Variants in OXR1 observed in about 807,000 individuals in gnomAD.
The protein encoded by OXR1 is oxidation resistance 1.
Under a neutral mutation model 104.6 loss-of-function variants are expected in OXR1, and 41 were observed. That is an observed-to-expected ratio of 0.39 (90% CI 0.31 to 0.51). The LOEUF (loss-of-function observed/expected upper bound fraction) is 0.51, where lower values mean the gene tolerates loss of function less well. OXR1 is among the 20% of genes least tolerant of loss of function. The pLI, the probability that OXR1 is intolerant of heterozygous loss-of-function variation, is 0.77. For missense variants in OXR1, 955 were observed against 1,031.9 expected, an observed-to-expected ratio of 0.93 and a Z score of 1.02; for synonymous variants, 348 against 348.4, an observed-to-expected ratio of 1.00 and a Z score of 0.01.
At chr8:106,359,718 A>G in intron 2 of OXR1, 82 bp downstream of exon 2, 3 of 1,014,120 alleles carry the variant, frequency 3.0e-6, no homozygotes, top group Non-Finnish European at 4.5e-6. Flanking sequence ...TACAGGCAGA[A>G]CTTGGGCAGA....
intron 2 of OXR1, among the ~76,000 whole-genome samples, chr8:106,399,507 G>A (rs906743233): frequency 2.0e-5 from 3 of 152,170 alleles, no homozygotes; most frequent in Non-Finnish European, 4.4e-5. Flanking sequence ...GGGTGCTACA[G>A]TGATGGATGT....
At chr8:106,395,951 G>A (rs1301147346) in intron 2 of OXR1, among the ~76,000 whole-genome samples, 1 of 152,024 alleles carries the variant, frequency 6.6e-6, no homozygotes, top group African/African-American at 2.4e-5. Flanking sequence ...AGGGGCACAG[G>A]GGCCAACCTA....
chr8:106,606,688 A>G (rs1329800822), intron 3 of OXR1, among the ~76,000 whole-genome samples: 1 of 152,062 alleles, frequency 6.6e-6, no homozygotes, highest in African/African-American at 2.4e-5. Flanking sequence ...CAATGGGCCC[A>G]CCTGGATAAT....
At chr8:106,428,578 C>T (rs1385437507) in intron 2 of OXR1, among the ~76,000 whole-genome samples, 1 of 151,312 alleles carries the variant, frequency 6.6e-6, no homozygotes, top group Non-Finnish European at 1.5e-5. Flanking sequence ...CACAATCATG[C>T]CACACTCATG....
chr8:106,455,455 T>C (rs1280565407), intron 2 of OXR1, among the ~76,000 whole-genome samples: 1 of 152,192 alleles, frequency 6.6e-6, no homozygotes, highest in Non-Finnish European at 1.5e-5. Flanking sequence ...TACTGTCTAT[T>C]GATAAAAACA....
At chr8:106,626,347 T>G (rs1822162388) in intron 3 of OXR1, among the ~76,000 whole-genome samples, 1 of 151,530 alleles carries the variant, frequency 6.6e-6, no homozygotes, top group South Asian at 2.1e-4. Context: ...AAAAAAAAAG[T>G]CTTTCCTGTT....
intron 1 of OXR1, among the ~76,000 whole-genome samples, chr8:106,287,478 G>A (rs1051794220): frequency 2.0e-5 from 3 of 152,146 alleles, no homozygotes; most frequent in African/African-American, 7.2e-5. Context: ...TGGTCTCCAA[G>A]TACATTATGA....
chr8:106,632,965 G>T (rs1822818283), intron 3 of OXR1, among the ~76,000 whole-genome samples: 1 of 150,510 alleles, frequency 6.6e-6, no homozygotes. Flanking sequence ...GCCGGGTGCG[G>T]TGGCTCACAC....
In OXR1 at chr8:106,369,583, C is replaced by T. The variant is rs530586302; in HGVS notation, c.23+9947C>T. On this transcript the variant is annotated intron_variant, in intron 2 of 16. Transcript: ENST00000517566. Reference sequence around the variant, plus strand: ...TTGAGTTAATTTTTTTATAAGATGACGGAAGGGGTCCAGTTTCAGTTTTCT... The same window carrying T: ...TTGAGTTAATTTTTTTATAAGATGATGGAAGGGGTCCAGTTTCAGTTTTCT... Among the ~76,000 whole-genome samples the T allele has an allele frequency of 9.2e-5, 14 of 152,002 alleles. No individual in the cohort carries two copies. In the East Asian group the frequency reaches 1.2e-3, roughly 13 times the overall value.
chr8:106,414,501 A>C (rs1454427529), intron 2 of OXR1, among the ~76,000 whole-genome samples: 1 of 152,212 alleles, frequency 6.6e-6, no homozygotes, highest in Non-Finnish European at 1.5e-5. Context: ...GCTAGAATTC[A>C]AAATCAAATC....
At chr8:106,475,504 C>T (rs1821753152) in intron 2 of OXR1, among the ~76,000 whole-genome samples, 1 of 151,732 alleles carries the variant, frequency 6.6e-6, no homozygotes, top group African/African-American at 2.4e-5. Context: ...GCAGGAGAGG[C>T]AGGCATACTT....
At chr8:106,499,265 C>T (rs1407310452) in intron 2 of OXR1, among the ~76,000 whole-genome samples, 1 of 151,812 alleles carries the variant, frequency 6.6e-6, no homozygotes, top group Non-Finnish European at 1.5e-5. Context: ...AGATGATTAC[C>T]AGAATGACTG....
At position 106,493,521 on chromosome 8, in the gene OXR1, G is replaced by GC. The variant is rs1554582694; in HGVS notation, c.24-25422_24-25421insC. Among the ~76,000 whole-genome samples the GC allele has an allele frequency of 6.6e-5, 10 of 152,256 alleles. No homozygotes were observed. In the East Asian group the frequency reaches 1.4e-3, roughly 21 times the overall value. ...AGGATGGGCCCCAGGAATAAGCAGT[G>GC]TAATTAACTTCCCGTTTGATTCTTT... On this transcript the variant is annotated intron_variant, in intron 2 of 16. Coordinates refer to ENST00000517566, the MANE Select transcript of OXR1 (RefSeq NM_001198533.2).
At chr8:106,596,474 C>G (rs1227272946) in intron 3 of OXR1, among the ~76,000 whole-genome samples, 1 of 151,778 alleles carries the variant, frequency 6.6e-6, no homozygotes, top group African/African-American at 2.4e-5. Flanking sequence ...TATGAAGAGC[C>G]CTGCCATCAA....
intron 3 of OXR1, among the ~76,000 whole-genome samples, chr8:106,666,614 G>A (rs1826360845): frequency 1.3e-5 from 2 of 152,276 alleles, no homozygotes; most frequent in South Asian, 4.1e-4. Context: ...CCAAGGAGTA[G>A]AGTAAGGATA....
intron 3 of OXR1, among the ~76,000 whole-genome samples, chr8:106,590,728 G>A (rs1323512526): frequency 6.6e-6 from 1 of 152,182 alleles, no homozygotes; most frequent in Non-Finnish European, 1.5e-5. Context: ...CCAATCTCAA[G>A]GTTACTCTTA....
chr8:106,417,949 T>A (rs555133546), intron 2 of OXR1, among the ~76,000 whole-genome samples: 2 of 151,882 alleles, frequency 1.3e-5, no homozygotes, highest in Admixed American at 1.3e-4. Context: ...TAGGCCTGAG[T>A]GGCCAAGGAC....
At chr8:106,480,098 C>T (rs1418861354) in intron 2 of OXR1, among the ~76,000 whole-genome samples, 1 of 151,892 alleles carries the variant, frequency 6.6e-6, no homozygotes, top group African/African-American at 2.4e-5. Flanking sequence ...CTCTGTTACC[C>T]CACAGTGGTT....
At chr8:106,485,054 T>C (rs1052693117) in intron 2 of OXR1, among the ~76,000 whole-genome samples, 5 of 17,628 alleles carry the variant, frequency 2.8e-4, no homozygotes, top group Non-Finnish European at 7.0e-4. Context: ...TTCATATTGC[T>C]AAAGAAGCCA....
Sources: gnomAD v4.1 joint callset for allele counts (sites outside exome capture counted in the v4.1 genomes callset) on GRCh38, gnomAD v4.1.1 for gene constraint, MANE v1.5 for transcripts, NCBI Gene and HGNC (gene_info 2026-07-23, HGNC 2026-07-21) for gene names.